The following NDUFAF5 variants were observed in gnomAD, a reference collection of about 807,000 sequenced individuals.
The protein encoded by NDUFAF5 is arginine-hydroxylase NDUFAF5, mitochondrial.
NDUFAF5 carries 34 observed loss-of-function variants against 48.9 expected under a neutral mutation model. The ratio of observed to expected loss-of-function variants is 0.70; its 90% CI spans 0.53 to 0.93. NDUFAF5 has a LOEUF of 0.93. Ranked by LOEUF, NDUFAF5 falls within the 40% of genes least tolerant of loss-of-function variation. The probability of loss-of-function intolerance (pLI) is 0.00; values close to 1 mark genes in which losing one functional copy is unlikely to be tolerated. For synonymous variants in NDUFAF5, 153 were observed against 150.6 expected, an observed-to-expected ratio of 1.02 and a Z score of -0.12; for missense variants, 428 against 427.5, an observed-to-expected ratio of 1.00 and a Z score of -0.01.
intron 8 of NDUFAF5, among the ~76,000 whole-genome samples, chr20:13,811,356 G>A (rs1029563877): frequency 2.6e-5 from 4 of 152,182 alleles, no homozygotes; most frequent in African/African-American, 4.8e-5. Context: ...GGTCTGGGAC[G>A]TGTCTCAGGT....
rs1986773504 is a variant in NDUFAF5 at position 13,818,682 on chromosome 20, CTGA to C, written c.*1478_*1480del. On this transcript the variant is annotated 3_prime_UTR_variant, in exon 11 of 11. Transcript: ENST00000378106. ...AAAACCCTGTGTTTTAAAGTGCAAA[CTGA>C]TGATGGAGGAATGGGTAAATTCCAG... The C allele has an allele frequency of 5.9e-6, 1 of 170,808 alleles. No individual in the cohort carries two copies. The highest frequency in any genetic ancestry group is 5.6e-5 in the Admixed American group (1 of 17,846). The allele number at this position is 170,808 out of a possible 1,614,324, so 10.6% of individuals were successfully genotyped here. A position where few individuals can be genotyped will look rare whatever the true frequency, so the allele number is the denominator to read the frequency against.
intron 7 of NDUFAF5, among the ~76,000 whole-genome samples, chr20:13,802,614 G>A (rs1297946562): frequency 1.4e-5 from 2 of 146,078 alleles, no homozygotes; most frequent in Non-Finnish European, 3.0e-5. Flanking sequence ...AGGTTGCAGT[G>A]AGCTGAGATC....
rs970559533 is a variant in NDUFAF5 at position 13,798,441 on chromosome 20, T to G, written c.480-20T>G. ...ATTGTGCCAGTTAAGCTAAAACAAA[T>G]CTGTATTCTCATATTTTAGTTTGCA... On this transcript the variant is annotated intron_variant, in intron 5 of 10. Coordinates refer to ENST00000378106, the MANE Select transcript of NDUFAF5 (RefSeq NM_024120.5). The G allele has an allele frequency of 6.3e-7, 1 of 1,595,440 alleles. No individual in the cohort carries two copies.
chr20:13,817,682 T>C lies in NDUFAF5; in HGVS notation c.*472T>C. The C allele has an allele frequency of 2.2e-6, 1 of 454,206 alleles. No individual in the cohort carries two copies. The highest frequency in any genetic ancestry group is 4.4e-6 in the Non-Finnish European group (1 of 226,846). The allele number at this position is 454,206 out of a possible 1,614,324, so 28.1% of individuals were successfully genotyped here. On this transcript the variant is annotated 3_prime_UTR_variant, in exon 11 of 11. Transcript: ENST00000378106. ...TTTAAAGCATCTGAATTTAACCTTATTTCTTTTTTATCTCCATGGTGTGGG... is the reference window on the plus strand; with the variant it reads ...TTTAAAGCATCTGAATTTAACCTTACTTCTTTTTTATCTCCATGGTGTGGG...
chr20:13,801,417 A>G (rs1052460571), intron 6 of NDUFAF5, 69 bp from the exon 7 acceptor site: 5 of 972,758 alleles, frequency 5.1e-6, no homozygotes, highest in East Asian at 2.7e-5. Context: ...TTTAGACACT[A>G]TATATTTATT....
intron 6 of NDUFAF5, 37 bp downstream of exon 6, chr20:13,798,537 AT>A: frequency 4.1e-6 from 6 of 1,462,986 alleles, no homozygotes; most frequent in Non-Finnish European, 4.8e-6. Context: ...ATCTTGTGTT[AT>A]TTTCTTTATT....
At chr20:13,797,304 AG>A (rs1291286048) in intron 5 of NDUFAF5, among the ~76,000 whole-genome samples, 1 of 152,246 alleles carries the variant, frequency 6.6e-6, no homozygotes, top group East Asian at 1.9e-4. Flanking sequence ...AAATGTTTAT[AG>A]TAGCCTTATT....
At chr20:13,808,771 C>CG in intron 7 of NDUFAF5, 71 bp from the exon 8 acceptor site, 1 of 995,302 alleles carries the variant, frequency 1.0e-6, no homozygotes, top group South Asian at 1.3e-5. Flanking sequence ...GTAGTCTCTG[C>CG]GGCCTCTTTT....
intron 6 of NDUFAF5, among the ~76,000 whole-genome samples, chr20:13,799,536 T>TA (rs1235217834): frequency 6.6e-6 from 1 of 151,894 alleles, no homozygotes; most frequent in African/African-American, 2.4e-5. Context: ...CCGCCTCTAC[T>TA]AAAAATACAA....
chr20:13,809,701 A>T (rs1048503834), intron 8 of NDUFAF5, among the ~76,000 whole-genome samples: 1 of 152,208 alleles, frequency 6.6e-6, no homozygotes, highest in Admixed American at 6.5e-5. Flanking sequence ...TTTTGAAAAG[A>T]GTAGATTGGC....
intron 5 of NDUFAF5, among the ~76,000 whole-genome samples, chr20:13,798,213 T>C (rs1041984199): frequency 1.3e-5 from 2 of 152,238 alleles, no homozygotes; most frequent in Non-Finnish European, 2.9e-5. Context: ...AAAATAATCA[T>C]ATCAGATTCT....
rs753666748 is a variant in NDUFAF5 at position 13,808,918 on chromosome 20, G to A, written c.778+16G>A. ...GATTTACAAGGTAAGGCACTTTAAA[G>A]AATTTTTAGACTCCATTGGGAAAGG... On this transcript the variant is annotated intron_variant, in intron 8 of 10. Transcript: ENST00000378106. 2.6e-6 allele frequency: 4 copies of A among 1,559,402 alleles called. No individual in the cohort carries two copies. The highest frequency in any genetic ancestry group is 3.5e-6 in the Non-Finnish European group (4 of 1,130,412).
At chr20:13,785,357 T>C in intron 1 of NDUFAF5, 67 bp downstream of exon 1, 2 of 1,391,986 alleles carry the variant, frequency 1.4e-6, no homozygotes, top group Non-Finnish European at 2.0e-6. Context: ...CTCCGCTAGT[T>C]CCGGCTAGGC....
chr20:13,795,593 A>T (rs751831451), intron 5 of NDUFAF5, among the ~76,000 whole-genome samples: 5 of 143,198 alleles, frequency 3.5e-5, no homozygotes, highest in Non-Finnish European at 3.1e-5. Flanking sequence ...CTGCAGTAAC[A>T]GGACTGCTTG....
At chr20:13,814,697 A>T (rs1189088978) in intron 8 of NDUFAF5, among the ~76,000 whole-genome samples, 1 of 152,152 alleles carries the variant, frequency 6.6e-6, no homozygotes, top group Non-Finnish European at 1.5e-5. Context: ...GGAAGTCCCA[A>T]AGTTTCAGTT....
At chr20:13,814,423 A>C (rs1406985041) in intron 8 of NDUFAF5, 1 of 1,286,542 alleles carries the variant, frequency 7.8e-7, no homozygotes, top group Non-Finnish European at 1.0e-6. Context: ...CACAGAACAA[A>C]AGTCCAGAAT....
chr20:13,796,629 G>A (rs1405150859), intron 5 of NDUFAF5, among the ~76,000 whole-genome samples: 1 of 152,106 alleles, frequency 6.6e-6, no homozygotes, highest in Non-Finnish European at 1.5e-5. Flanking sequence ...AAGGAGACTG[G>A]GAATATGACT....
At chr20:13,803,526 C>T (rs982842017) in intron 7 of NDUFAF5, 1 of 152,124 alleles carries the variant, frequency 6.6e-6, no homozygotes, top group African/African-American at 2.4e-5. Flanking sequence ...CTGTCATTCC[C>T]CCTTAATCCT....
At chr20:13,790,099 G>A (rs6074640) in intron 3 of NDUFAF5, among the ~76,000 whole-genome samples, 90,660 of 151,828 alleles carry the variant, frequency 0.6, 27,373 homozygotes, top group Middle Eastern at 0.68. Flanking sequence ...ATATAGTGAT[G>A]TTTAAGGAAG....
Sources: gnomAD v4.1 joint callset for allele counts (sites outside exome capture counted in the v4.1 genomes callset) on GRCh38, gnomAD v4.1.1 for gene constraint, MANE v1.5 for transcripts, NCBI Gene and HGNC (gene_info 2026-07-23, HGNC 2026-07-21) for gene names.